The following ADD2 variants were observed in gnomAD, a reference collection of about 807,000 sequenced individuals.
The protein encoded by ADD2 is adducin 2.
A neutral mutation model predicts 83.0 loss-of-function variants in ADD2; 23 were observed. The ratio of observed to expected loss-of-function variants is 0.28; its 90% confidence interval spans 0.20 to 0.39. The LOEUF is 0.39. Ranked by LOEUF, ADD2 falls within the 10% of genes least tolerant of loss-of-function variation. The pLI is 1.00. For synonymous variants in ADD2, 375 were observed against 375.4 expected (o/e 1.00, Z 0.01); for missense variants, 758 against 944.9 (o/e 0.80, Z 2.59).
intron 15 of ADD2, among the ~76,000 whole-genome samples, chr2:70,670,159 C>T (rs1669841068): frequency 6.6e-6 from 1 of 152,224 alleles, no homozygotes. Flanking sequence ...TCACAAACCA[C>T]CCTAAAACTT....
At chr2:70,737,509 G>C (rs1261153665) in intron 1 of ADD2, among the ~76,000 whole-genome samples, 1 of 147,790 alleles carries the variant, frequency 6.8e-6, no homozygotes, top group African/African-American at 2.5e-5. Context: ...CTCACTCATA[G>C]GTGGGAATTG....
At position 70,662,640 on chromosome 2, in the gene ADD2, T is replaced by C. The variant is rs782004675; in HGVS notation, c.*785A>G. The C allele has an allele frequency of 3.9e-5, 6 of 152,202 alleles. No individual in the cohort carries two copies. Among genetic ancestry groups the C allele is most frequent in the Non-Finnish European group, 7.3e-5 (5 of 68,034 alleles). The allele number at this position is 152,202 out of a possible 1,614,324, so 9.4% of individuals were successfully genotyped here. ...CTGCCCTGAGCATTAAACAACTTTTTCCTATGCTAAATTTGGTTTTAGTTT... is the reference window on the plus strand; with the variant it reads ...CTGCCCTGAGCATTAAACAACTTTTCCCTATGCTAAATTTGGTTTTAGTTT... On this transcript the variant is annotated 3_prime_UTR_variant, in exon 16 of 16. Transcript: ENST00000264436.
At position 70,706,700 on chromosome 2, in the gene ADD2, T is replaced by G. The variant is rs1671924611; in HGVS notation, c.-34-258A>C. 6.6e-6 allele frequency among the ~76,000 whole-genome samples: 1 copy of G among 152,186 alleles called. No individual in the cohort carries two copies. The highest frequency in any genetic ancestry group is 2.4e-5 in the African/African-American group (1 of 41,434). On this transcript the variant is annotated intron_variant, in intron 2 of 15. Transcript: ENST00000264436. This position sits in a 1 kb window ranked among gnomAD's most constrained non-coding sequence, Gnocchi z 5.0. ...ACTCCCTTCCCCAACTAGCCAGCCC[T>G]TAAATGGTCACACTTGGCTTGGAGT...
intron 10 of ADD2, among the ~76,000 whole-genome samples, chr2:70,681,344 C>T (rs1174154150): frequency 6.6e-6 from 1 of 152,182 alleles, no homozygotes; most frequent in Admixed American, 6.5e-5. Flanking sequence ...TAGCCCCCTA[C>T]CCACCAAACT....
In ADD2 at chr2:70,709,589, C is replaced by T. The variant is rs1233575104; in HGVS notation, c.-34-3147G>A. 8.5e-5 allele frequency among the ~76,000 whole-genome samples: 13 copies of T among 152,316 alleles called. No individual in the cohort carries two copies. In the East Asian group the frequency reaches 2.3e-3, roughly 27 times the overall value. ...TCTCTCTGGGTCTCACTTTGCCCAG[C>T]TCTAAATCAGAAAATGAACCAAATG... On this transcript the variant is annotated intron_variant, in intron 2 of 15. Transcript: ENST00000264436.
At chr2:70,698,539 G>A (rs1381596639) in intron 4 of ADD2, among the ~76,000 whole-genome samples, 1 of 152,186 alleles carries the variant, frequency 6.6e-6, no homozygotes, top group Non-Finnish European at 1.5e-5. Context: ...AGAATTCATA[G>A]TGTATTTCAA....
At chr2:70,699,028 A>G (rs1671451466) in intron 4 of ADD2, among the ~76,000 whole-genome samples, 1 of 152,094 alleles carries the variant, frequency 6.6e-6, no homozygotes, top group Admixed American at 6.6e-5. Flanking sequence ...ATGTGTACCA[A>G]GCAGATTTCC....
Position 70,741,172 on chromosome 2 carries a change from G to A in ADD2, c.-154+26714C>T, listed in dbSNP as rs10170467. 8.0e-3 allele frequency among the ~76,000 whole-genome samples: 1,211 copies of A among 152,314 alleles called. 12 individuals are homozygous for A. The highest frequency in any genetic ancestry group is 0.028 in the African/African-American group (1,151 of 41,562). ...AGCAGTGGGAAAATAATGGGAGACG[G>A]AAAGAGAGTCAGGAGCATCAAGACA... On this transcript the variant is annotated intron_variant, in intron 1 of 15. Coordinates refer to ENST00000264436, the MANE Select transcript of ADD2 (RefSeq NM_001617.4).
chr2:70,688,187 TTTTCC>T, intron 8 of ADD2, 65 bp from the exon 9 acceptor site: 3 of 1,364,974 alleles, frequency 2.2e-6, no homozygotes, highest in Non-Finnish European at 3.1e-6. Context: ...GAGGGAGAGG[TTTTCC>T]ATTTTATTTA....
intron 2 of ADD2, among the ~76,000 whole-genome samples, chr2:70,710,404 T>C (rs1248074452): frequency 1.3e-5 from 2 of 152,278 alleles, no homozygotes; most frequent in African/African-American, 4.8e-5. Context: ...ACCAAGAAGC[T>C]CTGGGCCTGA....
intron 1 of ADD2, among the ~76,000 whole-genome samples, chr2:70,753,087 A>T (rs1004396784): frequency 1.3e-5 from 2 of 152,250 alleles, no homozygotes; most frequent in Non-Finnish European, 1.5e-5. Flanking sequence ...GCTCTCTCAC[A>T]CTTAGAGGTC....
intron 5 of ADD2, 147 bp downstream of exon 5, chr2:70,696,098 A>T: frequency 8.8e-7 from 1 of 1,135,258 alleles, no homozygotes; most frequent in Non-Finnish European, 1.2e-6. Flanking sequence ...CAATGACCAC[A>T]GTGGTTAAAA....
chr2:70,706,364 C>A lies in ADD2; in HGVS notation c.45G>T (p.Pro15=), dbSNP rs1333798664. 20 of 1,611,666 alleles carry A rather than the reference C, an allele frequency of 1.2e-5. No homozygotes were observed. The highest frequency in any genetic ancestry group is 1.6e-5 in the Non-Finnish European group (19 of 1,178,942). ...AGCGGTCAAAGTAAGGCTGCCCCTG[C>A]GGGGGCGGCGGCGAGGCAGCCTCGG... The part of the protein sequence containing the change: ...TVPEAASPPP[P]QGQPYFDRFS... The change falls in exon 3 of 16, where the codon CCG becomes CCT. Residue 15 remains proline (P), a synonymous_variant. Transcript: ENST00000264436. This position sits in a 1 kb window ranked among gnomAD's most constrained non-coding sequence, Gnocchi z 5.0.
intron 1 of ADD2, among the ~76,000 whole-genome samples, chr2:70,738,539 G>A (rs189621240): frequency 6.6e-6 from 1 of 152,284 alleles, no homozygotes; most frequent in East Asian, 1.9e-4. Context: ...CCAGAAAAGT[G>A]AGCAACCTTC....
At chr2:70,698,321 T>C (rs902811138) in intron 4 of ADD2, among the ~76,000 whole-genome samples, 2 of 152,184 alleles carry the variant, frequency 1.3e-5, no homozygotes, top group Admixed American at 6.5e-5. Flanking sequence ...CCCAACCCCG[T>C]GGAGGTTCAA....
rs115126455 is a variant in ADD2, at chr2:70,740,837, G to A, written c.-154+27049C>T. ...ACCCCAACCTCCCGAGTAGCTGAGCGTACAGGCGTGTGCCACTATGCCTGG... is the reference window on the plus strand; with the variant it reads ...ACCCCAACCTCCCGAGTAGCTGAGCATACAGGCGTGTGCCACTATGCCTGG... On this transcript the variant is annotated intron_variant, in intron 1 of 15. Coordinates refer to ENST00000264436, the MANE Select transcript of ADD2 (RefSeq NM_001617.4). Among the ~76,000 whole-genome samples the A allele has an allele frequency of 3.6e-3, 555 of 152,156 alleles. 3 individuals are homozygous for A. Among genetic ancestry groups the A allele is most frequent in the African/African-American group, 0.012 (516 of 41,510 alleles).
chr2:70,742,185 T>C (rs1574312184), intron 1 of ADD2, among the ~76,000 whole-genome samples: 1 of 152,248 alleles, frequency 6.6e-6, no homozygotes, highest in East Asian at 1.9e-4. Flanking sequence ...GAATAAAGCT[T>C]CCCTGCCTAT....
intron 11 of ADD2, 51 bp from the exon 12 acceptor site, chr2:70,677,928 T>A: frequency 6.2e-7 from 1 of 1,609,076 alleles, no homozygotes; most frequent in Non-Finnish European, 8.5e-7. Flanking sequence ...GGCCCATGAG[T>A]CCTCCCCAGT....
chr2:70,683,628 T>C lies in ADD2; in HGVS notation c.1088A>G (p.His363Arg). Residue 363 changes from histidine (H) to arginine (R), a missense_variant, in exon 10 of 16, where the codon CAT (histidine) becomes CGT (arginine). Around this residue, in one of 5 missense-constraint regions of ADD2, gnomAD observed 394 missense variants for 509.3 expected, o/e 0.77. Coordinates refer to ENST00000264436, the MANE Select transcript of ADD2 (RefSeq NM_001617.4). ...CATCCTCATGAGGGCCTCAAACTCA[T>C]GCTCCCCCAGCCGACTCTTCTGCAT... ...GPMQKSRLGE[H>R]EFEALMRMLD... is the part of the protein sequence containing the mutation. 2.5e-6 allele frequency: 4 copies of C among 1,613,846 alleles called. 1 individual carries two copies. The highest frequency in any genetic ancestry group is 3.4e-6 in the Non-Finnish European group (4 of 1,179,818).
Sources: gnomAD v4.1 joint callset for allele counts (sites outside exome capture counted in the v4.1 genomes callset) on GRCh38, gnomAD v4.1.1 for gene constraint, gnomAD v4.1.1 regional missense constraint, Gnocchi (gnomAD v3.1) non-coding constraint, MANE v1.5 for transcripts, NCBI Gene and HGNC (gene_info 2026-07-23, HGNC 2026-07-21) for gene names.